The following LRRC4C variants were observed in gnomAD, a reference collection of about 807,000 sequenced individuals.
LRRC4C encodes leucine rich repeat containing 4C.
A neutral mutation model predicts 33.6 loss-of-function variants in LRRC4C; 5 were observed. The ratio of observed to expected loss-of-function variants is 0.15; its 90% CI spans 0.08 to 0.31. The LOEUF (loss-of-function observed/expected upper bound fraction) is 0.31, where lower values mean the gene tolerates loss of function less well. Ranked by LOEUF, LRRC4C falls within the 10% of genes least tolerant of loss-of-function variation. The pLI, the probability that LRRC4C is intolerant of heterozygous loss-of-function variation, is 1.00. For missense variants in LRRC4C, 560 were observed against 796.7 expected, an observed-to-expected ratio of 0.70 and a Z score of 3.58; for synonymous variants, 329 against 302.0, an observed-to-expected ratio of 1.09 and a Z score of -0.93.
Position 41,449,658 on chromosome 11 carries a change from A to T in LRRC4C, c.-496+9773T>A, listed in dbSNP as rs1046397389. 4.0e-5 allele frequency among the ~76,000 whole-genome samples: 6 copies of T among 151,652 alleles called. No homozygotes were observed. The South Asian group carries it at 1.2e-3, about 32-fold the overall frequency. ...CATCAGGGAAGAAGATCAAGGTGTT[A>T]TTCAAACAGGCACCTGGTAAGTGAC... On this transcript the variant is annotated intron_variant, in intron 1 of 6. Coordinates refer to ENST00000528697, the MANE Select transcript of LRRC4C (RefSeq NM_001258419.2).
At chr11:41,220,486 C>CAT (rs1555114342) in intron 1 of LRRC4C, among the ~76,000 whole-genome samples, 1 of 144,348 alleles carries the variant, frequency 6.9e-6, no homozygotes, top group Non-Finnish European at 1.5e-5. Context: ...TAGAAAACAG[C>CAT]TTTTTTTTTT....
At chr11:40,504,318 CAG>C (rs1954926771) in intron 3 of LRRC4C, among the ~76,000 whole-genome samples, 1 of 152,078 alleles carries the variant, frequency 6.6e-6, no homozygotes, top group African/African-American at 2.4e-5. Flanking sequence ...ACCTTTCCAA[CAG>C]AGAGCCACTG....
intron 4 of LRRC4C, among the ~76,000 whole-genome samples, chr11:40,305,665 C>T (rs1944994131): frequency 6.6e-6 from 1 of 151,032 alleles, no homozygotes; most frequent in Admixed American, 6.6e-5. Flanking sequence ...ACATAGACAA[C>T]ATTGGATAAA....
At chr11:41,394,186 T>C (rs1953714606) in intron 1 of LRRC4C, among the ~76,000 whole-genome samples, 1 of 151,960 alleles carries the variant, frequency 6.6e-6, no homozygotes, top group African/African-American at 2.4e-5. Context: ...TAATAGTGGC[T>C]ATTGTGGATT....
chr11:41,193,157 G>A (rs1946034888), intron 1 of LRRC4C, among the ~76,000 whole-genome samples: 1 of 152,104 alleles, frequency 6.6e-6, no homozygotes, highest in African/African-American at 2.4e-5. Context: ...TGTACAACAA[G>A]AAGGTATGGA....
intron 1 of LRRC4C, among the ~76,000 whole-genome samples, chr11:41,231,955 A>G (rs770653595): frequency 1.3e-5 from 2 of 151,924 alleles, no homozygotes; most frequent in Admixed American, 6.6e-5. Context: ...GATTCTCGGT[A>G]ATTGAGCCTT....
At chr11:40,226,486 A>G (rs574922539) in intron 5 of LRRC4C, among the ~76,000 whole-genome samples, 2 of 152,240 alleles carry the variant, frequency 1.3e-5, no homozygotes, top group Non-Finnish European at 2.9e-5. Flanking sequence ...CTTTAAGCCC[A>G]TATCTTCTTG....
chr11:40,600,947 G>A (rs1959933732), intron 3 of LRRC4C, among the ~76,000 whole-genome samples: 1 of 152,136 alleles, frequency 6.6e-6, no homozygotes, highest in Non-Finnish European at 1.5e-5. Context: ...AGTGTCTTGT[G>A]TAGAAAGGCA....
chr11:40,250,787 A>C (rs1866730189), intron 4 of LRRC4C, among the ~76,000 whole-genome samples: 1 of 152,114 alleles, frequency 6.6e-6, no homozygotes, highest in Non-Finnish European at 1.5e-5. Context: ...AATTATTTTA[A>C]CTTAACAAAA....
At chr11:40,835,181 C>T (rs1396476763) in intron 2 of LRRC4C, among the ~76,000 whole-genome samples, 1 of 151,976 alleles carries the variant, frequency 6.6e-6, no homozygotes, top group Non-Finnish European at 1.5e-5. Flanking sequence ...AAGTGCTTCT[C>T]AAAGCAACAA....
rs559261568 is a variant in LRRC4C, at chr11:40,269,169, G to A, written c.-175-27571C>T. The stretch of plus-strand genomic sequence containing the variant: ...CAGCTGTACTCCTCATGCTACAAAC[G>A]TGATATTTCTCATAATGAGAAGCAA... On this transcript the variant is annotated intron_variant, in intron 4 of 6. Transcript: ENST00000528697. Among the ~76,000 whole-genome samples the A allele has an allele frequency of 1.6e-4, 25 of 152,226 alleles. No individual in the cohort carries two copies. The South Asian group carries it at 2.5e-3, about 15-fold the overall frequency.
intron 3 of LRRC4C, among the ~76,000 whole-genome samples, chr11:40,342,029 A>G (rs1016127871): frequency 1.2e-4 from 19 of 152,088 alleles, no homozygotes; most frequent in Non-Finnish European, 2.2e-4. Flanking sequence ...GTCTTTTTAA[A>G]GAAAATACAG....
chr11:40,697,066 C>A (rs1307456275), intron 2 of LRRC4C, among the ~76,000 whole-genome samples: 2 of 152,008 alleles, frequency 1.3e-5, no homozygotes, highest in African/African-American at 4.8e-5. Context: ...AGCTCCTTTT[C>A]ATTAATCCGA....
In LRRC4C at chr11:40,550,454, AC is replaced by A. The variant is rs533430808; in HGVS notation, c.-270+97687del. 4.6e-5 allele frequency among the ~76,000 whole-genome samples: 7 copies of A among 151,616 alleles called. No individual in the cohort carries two copies. In the East Asian group the frequency reaches 1.4e-3, roughly 29 times the overall value. On this transcript the variant is annotated intron_variant, in intron 3 of 6. Coordinates refer to ENST00000528697, the MANE Select transcript of LRRC4C (RefSeq NM_001258419.2). ...TAAAGATCTTTCCTAAGAAAAGAAA[AC>A]AAAAAGCATATGCATTGCAAACATA... is the stretch of plus-strand genomic sequence containing the variant.
At chr11:40,844,810 AT>A (rs1221076456) in intron 2 of LRRC4C, among the ~76,000 whole-genome samples, 3 of 152,198 alleles carry the variant, frequency 2.0e-5, no homozygotes, top group Non-Finnish European at 4.4e-5. Flanking sequence ...AATGCATCGC[AT>A]ACTTGAACAT....
At chr11:40,620,318 G>C (rs1469827754) in intron 3 of LRRC4C, among the ~76,000 whole-genome samples, 1 of 151,616 alleles carries the variant, frequency 6.6e-6, no homozygotes, top group Non-Finnish European at 1.5e-5. Flanking sequence ...TATTGAACAA[G>C]AAGAAGAAGA....
intron 1 of LRRC4C, among the ~76,000 whole-genome samples, chr11:41,299,746 T>G (rs1394052499): frequency 6.6e-6 from 1 of 152,088 alleles, no homozygotes; most frequent in Non-Finnish European, 1.5e-5. Context: ...ATGCTATTTA[T>G]AAAGAGAAGA....
intron 3 of LRRC4C, among the ~76,000 whole-genome samples, chr11:40,387,707 A>G (rs1439846691): frequency 6.6e-6 from 1 of 152,182 alleles, no homozygotes; most frequent in Non-Finnish European, 1.5e-5. Context: ...AGAAAAGGAT[A>G]GTGACTTTTA....
At chr11:40,358,260 G>A (rs1269155704) in intron 3 of LRRC4C, among the ~76,000 whole-genome samples, 2 of 151,912 alleles carry the variant, frequency 1.3e-5, no homozygotes, top group African/African-American at 4.8e-5. Flanking sequence ...GAGAGGTGAG[G>A]TAAAGCTTCC....
Sources: allele counts gnomAD v4.1 joint callset (sites outside exome capture counted in the v4.1 genomes callset), GRCh38; gene constraint gnomAD v4.1.1; transcripts MANE v1.5; gene names NCBI Gene and HGNC (gene_info 2026-07-23, HGNC 2026-07-21).